ZFHX3: variants seen among roughly 807,000 people sequenced by gnomAD.
ZFHX3 encodes the protein zinc finger homeobox protein 3.
In ZFHX3, 42 loss-of-function variants were observed where a neutral mutation model predicts 279.1. The ratio of observed to expected loss-of-function variants is 0.15; its 90% confidence interval spans 0.12 to 0.19. The LOEUF is 0.19. ZFHX3 is among the 10% of genes least tolerant of loss of function. The probability of loss-of-function intolerance (pLI) is 1.00; values close to 1 mark genes in which losing one functional copy is unlikely to be tolerated. For missense variants in ZFHX3, 4,981 were observed against 4,754.0 expected, an observed-to-expected ratio of 1.05 and a Z score of -1.40; for synonymous variants, 2,293 against 1,957.8, an observed-to-expected ratio of 1.17 and a Z score of -4.52.
intron 4 of ZFHX3, among the ~76,000 whole-genome samples, chr16:73,279,306 A>G (rs944366258): frequency 1.3e-5 from 2 of 152,144 alleles, no homozygotes; most frequent in African/African-American, 4.8e-5. Context: ...ATCTGTCGTA[A>G]GTAAAATACC....
At chr16:73,473,350 A>C (rs565176717) in intron 2 of ZFHX3, among the ~76,000 whole-genome samples, 1,445 of 51,272 alleles carry the variant, frequency 0.028, 23 homozygotes, top group Non-Finnish European at 0.041. Flanking sequence ...AAAAAAAAAA[A>C]AAAAAAACAA....
chr16:73,469,273 G>C (rs1279223654), intron 2 of ZFHX3, among the ~76,000 whole-genome samples: 2 of 152,130 alleles, frequency 1.3e-5, no homozygotes, highest in African/African-American at 2.4e-5. Flanking sequence ...AGAGAACACT[G>C]GTCCAAGAGA....
At chr16:73,402,777 A>C (rs1211314696) in intron 3 of ZFHX3, among the ~76,000 whole-genome samples, 1 of 152,084 alleles carries the variant, frequency 6.6e-6, no homozygotes, top group African/African-American at 2.4e-5. Flanking sequence ...ACTGAGAGGG[A>C]GGGCTGTTAA....
rs1388994094 is a variant in ZFHX3, at chr16:73,287,684, GTGTGTGGC to G, written c.-1194+30548_-1193-30549del. ...AGTGGCTATGTGGGTTGATGTGTGC[GTGTGTGGC>G]TGTGTGGCTGTGTGGGTCAGTGTGT... On this transcript the variant is annotated intron_variant, in intron 4 of 17. Transcript: ENST00000641206. Among the ~76,000 whole-genome samples the G allele has an allele frequency of 3.0e-4, 44 of 145,226 alleles. 2 individuals carry two copies. In the South Asian group the frequency reaches 8.1e-3, roughly 27 times the overall value.
intron 5 of ZFHX3, among the ~76,000 whole-genome samples, chr16:73,155,291 A>G (rs188149277): frequency 6.6e-6 from 1 of 152,070 alleles, no homozygotes; most frequent in East Asian, 1.9e-4. Flanking sequence ...GCACATGCTT[A>G]AAGGTAAATA....
intron 1 of ZFHX3, among the ~76,000 whole-genome samples, chr16:73,878,727 GA>G (rs2030037569): frequency 1.3e-5 from 2 of 151,626 alleles, no homozygotes; most frequent in East Asian, 1.9e-4. Context: ...ATGCAAGAGG[GA>G]GGGGGGACAT....
Position 73,485,645 on chromosome 16 carries a change from T to A in ZFHX3, c.-1546-29387A>T, listed in dbSNP as rs138151074. On this transcript the variant is annotated intron_variant, in intron 2 of 17. Coordinates refer to the ZFHX3 transcript ENST00000641206. ...TCCAGCCACACTAAGTGTCTTTCTG[T>A]GTGTGTTGAACCCAGTATGCTTTTT... 3.2e-3 allele frequency among the ~76,000 whole-genome samples: 484 copies of A among 152,286 alleles called. 3 individuals are homozygous for A. The highest frequency in any genetic ancestry group is 0.011 in the African/African-American group (462 of 41,556).
chr16:73,817,904 C>G (rs1236210780), intron 1 of ZFHX3, among the ~76,000 whole-genome samples: 1 of 152,220 alleles, frequency 6.6e-6, no homozygotes, highest in African/African-American at 2.4e-5. Context: ...GAACCCCCCT[C>G]AAAGTGCCAA....
chr16:73,179,910 G>T (rs912872909), intron 5 of ZFHX3, among the ~76,000 whole-genome samples: 1 of 152,090 alleles, frequency 6.6e-6, no homozygotes, highest in Admixed American at 6.6e-5. Context: ...TGTCAGAGGC[G>T]GTCCAATTAC....
intron 3 of ZFHX3, among the ~76,000 whole-genome samples, chr16:73,450,057 T>C (rs1180536844): frequency 2.0e-5 from 3 of 152,236 alleles, no homozygotes; most frequent in Non-Finnish European, 4.4e-5. Flanking sequence ...AGGTGTACAA[T>C]GTGATAATTT....
At chr16:72,939,221 TG>T (rs1025383421) in intron 3 of ZFHX3, among the ~76,000 whole-genome samples, 51 of 152,220 alleles carry the variant, frequency 3.4e-4, no homozygotes, top group African/African-American at 9.9e-4. Context: ...GACGAGCCAG[TG>T]GGGTTACCTT....
At chr16:73,881,489 C>A (rs947699778) in intron 1 of ZFHX3, among the ~76,000 whole-genome samples, 1 of 84,260 alleles carries the variant, frequency 1.2e-5, no homozygotes, top group African/African-American at 3.9e-5. Flanking sequence ...TGCCCCCCCC[C>A]CCCACTCTGC....
chr16:73,010,010 G>A (rs1963854503), intron 1 of ZFHX3, among the ~76,000 whole-genome samples: 1 of 123,876 alleles, frequency 8.1e-6, no homozygotes. Flanking sequence ...TACAGAGCGA[G>A]ACTCCCTCTC....
rs770124724 is a variant in ZFHX3 at position 72,800,119 on chromosome 16, G to A, written c.3875C>T (p.Pro1292Leu). The A allele has an allele frequency of 6.2e-7, 1 of 1,614,134 alleles. No individual in the cohort carries two copies. ...VEKLIMTVTTPEMVMPSSMFL... is the reference protein window; with the variant it reads ...VEKLIMTVTTLEMVMPSSMFL... The stretch of plus-strand genomic sequence containing the variant: ...CATGCTGCTTGGCATCACCATCTCA[G>A]GGGTGGTCACCTGAGGAGCAAGAGC... Residue 1292 changes from proline (P) to leucine (L), a missense_variant, in exon 8 of 10, where the codon CCT becomes CTT. This residue lies in a region of ZFHX3 where 1,751 missense variants were observed against 1,770.0 expected (regional missense o/e 0.99). Coordinates refer to ENST00000268489, the MANE Select transcript of ZFHX3 (RefSeq NM_006885.4).
At chr16:72,842,210 G>GT (rs368055645) in intron 4 of ZFHX3, among the ~76,000 whole-genome samples, 5,329 of 148,936 alleles carry the variant, frequency 0.036, 232 homozygotes, top group African/African-American at 0.1. Context: ...TTGTTTTTTT[G>GT]TTTTTTTTTT....
intron 1 of ZFHX3, among the ~76,000 whole-genome samples, chr16:72,976,217 A>C (rs1333334664): frequency 2.0e-5 from 3 of 152,194 alleles, no homozygotes; most frequent in African/African-American, 7.2e-5. Context: ...CATTCCACCA[A>C]AACTTCCAGC....
chr16:73,714,381 G>A (rs1007641307), intron 1 of ZFHX3, among the ~76,000 whole-genome samples: 13 of 152,118 alleles, frequency 8.5e-5, no homozygotes, highest in African/African-American at 2.7e-4. Context: ...CCATTCCCAA[G>A]CACGGGTTAG....
chr16:73,669,418 T>G (rs895590570), intron 2 of ZFHX3, among the ~76,000 whole-genome samples: 4 of 152,212 alleles, frequency 2.6e-5, no homozygotes, highest in African/African-American at 9.7e-5. Flanking sequence ...TCCCACGTGA[T>G]CTCTAGATGA....
chr16:73,153,307 A>G, intron 5 of ZFHX3, among the ~76,000 whole-genome samples: 1 of 152,166 alleles, frequency 6.6e-6, no homozygotes. Flanking sequence ...TTTAGAGACA[A>G]GGTGTCTCCC....
Sources: allele counts gnomAD v4.1 joint callset (sites outside exome capture counted in the v4.1 genomes callset), GRCh38; gene constraint gnomAD v4.1.1; regional missense constraint gnomAD v4.1.1; transcripts MANE v1.5; gene names NCBI Gene and HGNC (gene_info 2026-07-23, HGNC 2026-07-21).